PAX5: variants seen among roughly 807,000 people sequenced by gnomAD.
The protein encoded by PAX5 is paired box protein Pax-5.
PAX5 carries 9 observed loss-of-function variants against 43.7 expected under a neutral mutation model. The observed-to-expected ratio is 0.21, with a 90% CI of 0.12 to 0.36. The LOEUF (loss-of-function observed/expected upper bound fraction) is 0.36. PAX5 is among the 10% of genes least tolerant of loss of function. PAX5 has a pLI of 1.00. For synonymous variants in PAX5, 228 were observed against 214.3 expected (o/e 1.06, Z -0.56); for missense variants, 383 against 532.7 (o/e 0.72, Z 2.77).
intron 6 of PAX5, among the ~76,000 whole-genome samples, chr9:36,939,472 CAGCCTCCTAA>C (rs1479598164): frequency 6.6e-6 from 1 of 152,180 alleles, no homozygotes; most frequent in Admixed American, 6.5e-5. Flanking sequence ...TGTCTCTTTC[CAGCCTCCTAA>C]AGGGACCCCA....
chr9:36,971,097 A>C (rs1342144624), intron 5 of PAX5, among the ~76,000 whole-genome samples: 1 of 152,206 alleles, frequency 6.6e-6, no homozygotes, highest in Admixed American at 6.5e-5. Flanking sequence ...AGTGAGTGCT[A>C]ATGCCAGGGA....
intron 5 of PAX5, among the ~76,000 whole-genome samples, chr9:36,981,171 C>T (rs1002819108): frequency 9.2e-5 from 11 of 119,406 alleles, no homozygotes; most frequent in Non-Finnish European, 1.8e-4. Context: ...GGACCACCCT[C>T]CAAAAACAGC....
At position 37,015,029 on chromosome 9, in the gene PAX5, A is replaced by G. The variant is rs767615219; in HGVS notation, c.378T>C (p.Asn126=). Residue 126 remains asparagine, a synonymous_variant, in exon 3 of 10, where the codon AAT becomes AAC. Transcript: ENST00000358127. The surrounding 1 kb of genome is among the most constrained non-coding windows in gnomAD (Gnocchi z 4.4). ...TGGAACTGACGCTAGGCACGGTGTC[A>G]TTGTCACACACCCGCTCTGCCAGCA... ...DRLLAERVCD[N]DTVPSVSSIN... 1 of 1,614,144 alleles carries G rather than the reference A, an allele frequency of 6.2e-7. No homozygotes were observed. Among genetic ancestry groups the G allele is most frequent in the Non-Finnish European group, 8.5e-7 (1 of 1,180,030 alleles).
rs188774856 is a variant in PAX5 at position 36,883,092 on chromosome 9, G to A, written c.911-987C>T. ...GCTGCCTGGGATGGATAAGAGGATC[G>A]TGAGAGGGGAGGGAACTTGTCCAAA... On this transcript the variant is annotated intron_variant, in intron 7 of 9. Coordinates refer to ENST00000358127, the MANE Select transcript of PAX5 (RefSeq NM_016734.3). Among the ~76,000 whole-genome samples the A allele has an allele frequency of 3.4e-3, 522 of 152,270 alleles. 2 individuals carry two copies. Among genetic ancestry groups the A allele is most frequent in the Non-Finnish European group, 5.5e-3 (372 of 68,014 alleles).
At chr9:36,951,889 A>C (rs139680834) in intron 6 of PAX5, among the ~76,000 whole-genome samples, 4 of 152,308 alleles carry the variant, frequency 2.6e-5, no homozygotes, top group East Asian at 1.9e-4. Context: ...TAATTTGCTC[A>C]CTGGCATCCT....
chr9:36,883,363 A>C (rs910828494), intron 7 of PAX5, among the ~76,000 whole-genome samples: 18 of 152,172 alleles, frequency 1.2e-4, no homozygotes, highest in Non-Finnish European at 2.6e-4. Flanking sequence ...AAGAAGGAGG[A>C]AGGAATCAAC....
intron 1 of PAX5, among the ~76,000 whole-genome samples, chr9:37,028,397 C>G (rs956686609): frequency 1.3e-5 from 2 of 152,240 alleles, no homozygotes; most frequent in African/African-American, 4.8e-5. Context: ...CTCACTCCAC[C>G]TGCAGGGCCC....
At chr9:36,972,606 C>T (rs1029343160) in intron 5 of PAX5, among the ~76,000 whole-genome samples, 41 of 152,178 alleles carry the variant, frequency 2.7e-4, no homozygotes, top group African/African-American at 9.7e-4. Flanking sequence ...GGATCCCATC[C>T]TCTTGAATGA....
chr9:37,019,362 A>G (rs1196019720), intron 2 of PAX5, among the ~76,000 whole-genome samples: 1 of 152,112 alleles, frequency 6.6e-6, no homozygotes, highest in Non-Finnish European at 1.5e-5. Context: ...GCTGAGTGCT[A>G]AACAGGAGTG....
intron 1 of PAX5, among the ~76,000 whole-genome samples, chr9:37,026,047 G>C (rs576220791): frequency 1.3e-5 from 2 of 152,256 alleles, no homozygotes; most frequent in East Asian, 1.9e-4. Flanking sequence ...TCCTCGCTTA[G>C]CTCTCAACCT....
chr9:36,855,705 C>T (rs1823602385), intron 8 of PAX5, among the ~76,000 whole-genome samples: 1 of 152,086 alleles, frequency 6.6e-6, no homozygotes, highest in African/African-American at 2.4e-5. Flanking sequence ...CCACACCTCC[C>T]ACTGCCCACA....
intron 7 of PAX5, among the ~76,000 whole-genome samples, chr9:36,911,985 G>A (rs780300103): frequency 6.6e-5 from 10 of 152,344 alleles, no homozygotes; most frequent in Non-Finnish European, 1.3e-4. Context: ...CAAACACACA[G>A]TGGATGTCCC....
intron 1 of PAX5, among the ~76,000 whole-genome samples, chr9:37,021,812 G>A (rs997475680): frequency 1.3e-5 from 2 of 152,178 alleles, no homozygotes; most frequent in African/African-American, 2.4e-5. Context: ...ACTCACTGAC[G>A]TTGCTGAAGA....
chr9:36,942,246 T>A (rs747071916), intron 6 of PAX5, among the ~76,000 whole-genome samples: 2 of 152,216 alleles, frequency 1.3e-5, no homozygotes, highest in African/African-American at 4.8e-5. Context: ...AATTTTCAGA[T>A]GGAAGCTGAA....
intron 5 of PAX5, among the ~76,000 whole-genome samples, chr9:36,991,839 T>C (rs944813011): frequency 8.5e-6 from 1 of 117,034 alleles, no homozygotes; most frequent in East Asian, 3.5e-4. Flanking sequence ...AGGCTATGCC[T>C]TTCTTTCTGC....
chr9:36,910,565 G>T (rs1164694286), intron 7 of PAX5, among the ~76,000 whole-genome samples: 1 of 152,144 alleles, frequency 6.6e-6, no homozygotes, highest in Non-Finnish European at 1.5e-5. Context: ...GACCTCGGGG[G>T]CACACGCCAG....
At chr9:36,846,638 G>A (rs1822600532) in intron 9 of PAX5, among the ~76,000 whole-genome samples, 1 of 152,156 alleles carries the variant, frequency 6.6e-6, no homozygotes, top group Non-Finnish European at 1.5e-5. Context: ...GCATCTGGGG[G>A]AGGGAGGAGG....
At chr9:36,922,241 T>A (rs13290717) in intron 7 of PAX5, among the ~76,000 whole-genome samples, 40 of 152,190 alleles carry the variant, frequency 2.6e-4, no homozygotes, top group Non-Finnish European at 5.0e-4. Context: ...CTAACCCAGC[T>A]TCCCTGATGC....
chr9:36,915,856 G>C (rs927506850), intron 7 of PAX5, among the ~76,000 whole-genome samples: 1 of 152,010 alleles, frequency 6.6e-6, no homozygotes, highest in Non-Finnish European at 1.5e-5. Context: ...AGAATCACTT[G>C]AGCCCAAGAG....
Sources: allele counts gnomAD v4.1 joint callset (sites outside exome capture counted in the v4.1 genomes callset), GRCh38; gene constraint gnomAD v4.1.1; non-coding constraint Gnocchi (gnomAD v3.1); transcripts MANE v1.5; gene names NCBI Gene and HGNC (gene_info 2026-07-23, HGNC 2026-07-21).